Variants in WASL observed in about 807,000 individuals in gnomAD.
WASL encodes WASP like actin nucleation promoting factor.
A neutral mutation model predicts 55.5 loss-of-function variants in WASL; 20 were observed. The observed-to-expected ratio is 0.36, with a 90% CI of 0.25 to 0.52. The LOEUF is 0.52. WASL is among the 20% of genes least tolerant of loss of function. The pLI is 0.92. For synonymous variants in WASL, 249 were observed against 217.6 expected (o/e 1.14, Z -1.27); for missense variants, 504 against 622.5 (o/e 0.81, Z 2.03).
intron 1 of WASL, among the ~76,000 whole-genome samples, chr7:123,747,081 C>G (rs1804445255): frequency 6.6e-6 from 1 of 152,012 alleles, no homozygotes; most frequent in Non-Finnish European, 1.5e-5. Flanking sequence ...GTGGTTATTT[C>G]TTTAACACCA....
At chr7:123,721,192 T>C (rs1309229595) in intron 1 of WASL, among the ~76,000 whole-genome samples, 1 of 152,160 alleles carries the variant, frequency 6.6e-6, no homozygotes, top group Non-Finnish European at 1.5e-5. Flanking sequence ...AATAAGCAAA[T>C]TAAAATTTTT....
chr7:123,706,170 C>T (rs563147205), intron 4 of WASL, 107 bp downstream of exon 4: 28 of 1,021,598 alleles, frequency 2.7e-5, no homozygotes, highest in Non-Finnish European at 4.0e-5. Flanking sequence ...CCAATGAATA[C>T]AGTTAAGTTT....
intron 2 of WASL, 132 bp downstream of exon 2, chr7:123,708,957 G>C (rs1437674808): frequency 4.7e-6 from 4 of 856,202 alleles, no homozygotes; most frequent in Non-Finnish European, 6.5e-6. Flanking sequence ...TAAAAACCAA[G>C]CTTCACTCTT....
chr7:123,742,812 G>A (rs1249985144), intron 1 of WASL, among the ~76,000 whole-genome samples: 1 of 152,124 alleles, frequency 6.6e-6, no homozygotes, highest in African/African-American at 2.4e-5. Context: ...AATTAAAAAT[G>A]GGAATTTTCA....
chr7:123,695,913 G>A lies in WASL; in HGVS notation c.630-48C>T, dbSNP rs1315871427. On this transcript the variant is annotated intron_variant, in intron 6 of 10. Coordinates refer to ENST00000223023, the MANE Select transcript of WASL (RefSeq NM_003941.4). ...AATAGAAAAACAAAATGCATAAAGG[G>A]CATTATAAACACAATATATATGAAA... 6.3e-6 allele frequency: 10 copies of A among 1,576,332 alleles called. No homozygotes were observed. In the East Asian group the frequency reaches 1.6e-4, roughly 25 times the overall value.
chr7:123,705,633 G>A (rs977204939), intron 4 of WASL, among the ~76,000 whole-genome samples: 4 of 152,096 alleles, frequency 2.6e-5, no homozygotes, highest in African/African-American at 9.7e-5. Context: ...AGAAACACCT[G>A]GTTCACTGTT....
At chr7:123,737,553 C>A (rs1232434954) in intron 1 of WASL, among the ~76,000 whole-genome samples, 3 of 138,298 alleles carry the variant, frequency 2.2e-5, no homozygotes, top group African/African-American at 8.0e-5. Flanking sequence ...AGAGATAGCG[C>A]CACTGTACTC....
intron 10 of WASL, among the ~76,000 whole-genome samples, chr7:123,685,188 T>C (rs980787103): frequency 6.6e-6 from 1 of 152,004 alleles, no homozygotes; most frequent in African/African-American, 2.4e-5. Context: ...AGTGATATTA[T>C]TTAAATTTCA....
At chr7:123,684,738 T>TA (rs993356182) in intron 10 of WASL, among the ~76,000 whole-genome samples, 158 bp from the exon 11 acceptor site, 6 of 151,966 alleles carry the variant, frequency 3.9e-5, no homozygotes, top group African/African-American at 1.4e-4. Context: ...TCTAAAGAAA[T>TA]ATATCTATAG....
In WASL at chr7:123,706,824, A is replaced by G. The variant is rs778073270; in HGVS notation, c.255T>C (p.Asp85=). The stretch of plus-strand genomic sequence containing the variant: ...GCTCTTGTTCCCACAATAGTTTCCC[A>G]TCCTAGAAAAAAGTTAAAAATTAAA... ...SYFLRIFDIK[D]GKLLWEQELY... is the part of the protein sequence containing the mutation. The change falls in exon 3 of 11, where the codon GAT becomes GAC. Residue 85 remains aspartate (D), a splice_region_variant and synonymous_variant. Coordinates refer to ENST00000223023, the MANE Select transcript of WASL (RefSeq NM_003941.4). 6.5e-7 allele frequency: 1 copy of G among 1,541,812 alleles called. No individual in the cohort carries two copies. Among genetic ancestry groups the G allele is most frequent in the Admixed American group, 2.1e-5 (1 of 47,352 alleles).
At chr7:123,720,450 C>T (rs780385894) in intron 1 of WASL, 3 of 403,918 alleles carry the variant, frequency 7.4e-6, no homozygotes, top group Non-Finnish European at 1.4e-5. Context: ...CATATACTAA[C>T]GTCTGTACAC....
chr7:123,744,838 C>T (rs974180695), intron 1 of WASL, among the ~76,000 whole-genome samples: 2 of 152,198 alleles, frequency 1.3e-5, no homozygotes, highest in African/African-American at 4.8e-5. Context: ...ACCTAGTAAT[C>T]TTGTTTATAA....
intron 1 of WASL, among the ~76,000 whole-genome samples, chr7:123,745,459 G>A (rs549925884): frequency 2.6e-5 from 4 of 152,198 alleles, no homozygotes; most frequent in South Asian, 4.1e-4. Context: ...TGAGAGAAAT[G>A]CTGTACTAAA....
chr7:123,711,107 C>A (rs1803747835), intron 1 of WASL, among the ~76,000 whole-genome samples: 1 of 151,990 alleles, frequency 6.6e-6, no homozygotes, highest in South Asian at 2.1e-4. Context: ...CGCTTTTTAC[C>A]AGAAATCAAG....
At chr7:123,745,783 C>G (rs1284860607) in intron 1 of WASL, among the ~76,000 whole-genome samples, 1 of 151,922 alleles carries the variant, frequency 6.6e-6, no homozygotes, top group Non-Finnish European at 1.5e-5. Flanking sequence ...AGAAGCCCTC[C>G]TTGCTCCCTA....
intron 1 of WASL, among the ~76,000 whole-genome samples, chr7:123,720,793 G>A (rs140181615): frequency 6.6e-6 from 1 of 151,646 alleles, no homozygotes; most frequent in Non-Finnish European, 1.5e-5. Flanking sequence ...GGGACTACAG[G>A]TGCCTGCACA....
chr7:123,718,474 CAA>C (rs1364706835), intron 1 of WASL, among the ~76,000 whole-genome samples: 1 of 152,046 alleles, frequency 6.6e-6, no homozygotes, highest in Non-Finnish European at 1.5e-5. Flanking sequence ...CAAAAAAACA[CAA>C]AAACACTAAG....
intron 1 of WASL, among the ~76,000 whole-genome samples, chr7:123,747,422 T>TTCAA (rs1479668150): frequency 1.3e-5 from 2 of 152,192 alleles, no homozygotes; most frequent in Non-Finnish European, 2.9e-5. Flanking sequence ...AATGGAACGA[T>TTCAA]TCAATCTCCA....
intron 1 of WASL, among the ~76,000 whole-genome samples, chr7:123,746,024 A>C (rs540746764): frequency 2.6e-5 from 4 of 152,246 alleles, no homozygotes; most frequent in Non-Finnish European, 5.9e-5. Flanking sequence ...ATGAGATAGT[A>C]TCCTTGTTTT....
Sources: gnomAD v4.1 joint callset for allele counts (sites outside exome capture counted in the v4.1 genomes callset) on GRCh38, gnomAD v4.1.1 for gene constraint, MANE v1.5 for transcripts, NCBI Gene and HGNC (gene_info 2026-07-23, HGNC 2026-07-21) for gene names.